Variants in TFPI observed in about 807,000 individuals in gnomAD.
TFPI encodes the protein tissue factor pathway inhibitor, also known as anti-convertin.
Under a neutral mutation model 34.6 loss-of-function variants are expected in TFPI, and 15 were observed. The ratio of observed to expected loss-of-function variants is 0.43; its 90% CI spans 0.29 to 0.67. The LOEUF (loss-of-function observed/expected upper bound fraction) is 0.67. Among genes scored for constraint, TFPI ranks in the 30% least tolerant of loss-of-function variants. TFPI has a pLI of 0.15. For missense variants in TFPI, 301 were observed against 364.0 expected (o/e 0.83, Z 1.41); for synonymous variants, 105 against 120.1 (o/e 0.87, Z 0.82).
At chr2:187,532,188 A>G (rs773018587) in intron 1 of TFPI, among the ~76,000 whole-genome samples, 8 of 152,188 alleles carry the variant, frequency 5.3e-5, no homozygotes, top group Non-Finnish European at 8.8e-5. Flanking sequence ...ATGTGTGATT[A>G]TATTTATATG....
intron 1 of TFPI, among the ~76,000 whole-genome samples, chr2:187,505,267 TGAGAGA>T (rs1415023601): frequency 6.6e-6 from 1 of 152,082 alleles, no homozygotes; most frequent in Non-Finnish European, 1.5e-5. Flanking sequence ...CTGAAGCCCT[TGAGAGA>T]GAGGGCTCTA....
chr2:187,531,183 T>C (rs148663208), intron 1 of TFPI, among the ~76,000 whole-genome samples: 2 of 152,268 alleles, frequency 1.3e-5, no homozygotes, highest in African/African-American at 4.8e-5. Context: ...TAGAAAGGTG[T>C]GTGGTATAGA....
chr2:187,517,704 T>G (rs1687102262), intron 1 of TFPI: 2 of 152,218 alleles, frequency 1.3e-5, no homozygotes, highest in African/African-American at 4.8e-5. Context: ...CTTGTTAATT[T>G]TCTGTCTCAT....
chr2:187,481,643 AAGGG>A (rs927047924), intron 6 of TFPI, among the ~76,000 whole-genome samples: 5 of 141,414 alleles, frequency 3.5e-5, no homozygotes, highest in Non-Finnish European at 7.7e-5. Flanking sequence ...GGAAGGAAGA[AAGGG>A]AGGGAAGGGA....
intron 1 of TFPI, chr2:187,527,018 C>T (rs1687714837): frequency 6.6e-6 from 1 of 152,196 alleles, no homozygotes; most frequent in Non-Finnish European, 1.5e-5. Flanking sequence ...CCACTAAAAC[C>T]TGGCAGCCTG....
At chr2:187,482,051 G>T (rs1398956820) in intron 6 of TFPI, among the ~76,000 whole-genome samples, 1 of 151,634 alleles carries the variant, frequency 6.6e-6, no homozygotes, top group Admixed American at 6.6e-5. Context: ...TTTTTATTTT[G>T]CCCTTTCTAA....
At chr2:187,472,908 A>G (rs767030384) in intron 6 of TFPI, among the ~76,000 whole-genome samples, 1 of 152,054 alleles carries the variant, frequency 6.6e-6, no homozygotes, top group Non-Finnish European at 1.5e-5. Context: ...GCTACTAGGG[A>G]GGCTGAGGCA....
At chr2:187,549,434 T>C (rs10187622) in intron 1 of TFPI, among the ~76,000 whole-genome samples, 125,858 of 152,044 alleles carry the variant, frequency 0.83, 52,223 homozygotes, top group Middle Eastern at 0.94. Flanking sequence ...ACCCTGAGCA[T>C]TCATAGTCTG....
rs147385423 is a variant in TFPI, at chr2:187,511,760, C to T, written c.-2-7990G>A. On this transcript the variant is annotated intron_variant, in intron 1 of 7. Transcript: ENST00000233156. ...TGGTTACAGCTGGTTTTAGATCCGC[C>T]TCACAGTGGTTGAGAGAACAGCAGC... Among the ~76,000 whole-genome samples the T allele has an allele frequency of 3.8e-3, 575 of 152,062 alleles. 1 individual carries two copies. Among genetic ancestry groups the T allele is most frequent in the African/African-American group, 0.013 (546 of 41,456 alleles).
chr2:187,493,788 G>T (rs182611696), intron 3 of TFPI, among the ~76,000 whole-genome samples: 380 of 152,242 alleles, frequency 2.5e-3, no homozygotes, highest in African/African-American at 8.7e-3. Context: ...AGTCAGCTTT[G>T]CTCAACTTCC....
At chr2:187,515,801 G>A (rs1686965012) in intron 1 of TFPI, 1 of 152,136 alleles carries the variant, frequency 6.6e-6, no homozygotes, top group Admixed American at 6.5e-5. Context: ...TTTGTTTAAT[G>A]CTATTCTATA....
intron 5 of TFPI, 182 bp downstream of exon 5, chr2:187,484,629 T>C: frequency 1.9e-6 from 1 of 538,850 alleles, no homozygotes; most frequent in South Asian, 3.2e-5. Flanking sequence ...TCTATGAAAA[T>C]AATTTCTTAA....
intron 1 of TFPI, among the ~76,000 whole-genome samples, chr2:187,529,795 A>C (rs1687866127): frequency 6.6e-6 from 1 of 152,178 alleles, no homozygotes. Flanking sequence ...CCTAGAGTGC[A>C]CTTTCTAATG....
At chr2:187,510,632 C>A (rs931848996) in intron 1 of TFPI, among the ~76,000 whole-genome samples, 2 of 152,202 alleles carry the variant, frequency 1.3e-5, no homozygotes, top group African/African-American at 4.8e-5. Context: ...TAAAGATCGA[C>A]CCCTGACCTA....
Position 187,538,146 on chromosome 2 carries a change from A to G in TFPI, c.-3+16054T>C, listed in dbSNP as rs1046177159. Among the ~76,000 whole-genome samples the G allele has an allele frequency of 2.6e-5, 4 of 152,222 alleles. No homozygotes were observed. The South Asian group carries it at 8.3e-4, about 32-fold the overall frequency. The stretch of plus-strand genomic sequence containing the variant: ...TTTTGCACTGTTGGTGGGAGTGTAA[A>G]TTAATTCAACCACTGTGGAAGACAA... On this transcript the variant is annotated intron_variant, in intron 1 of 7. Transcript: ENST00000233156.
chr2:187,476,275 C>A (rs1242283235), intron 6 of TFPI, among the ~76,000 whole-genome samples: 2 of 152,008 alleles, frequency 1.3e-5, no homozygotes, highest in East Asian at 3.9e-4. Context: ...TAGATATAAT[C>A]AAAAACTGGA....
At chr2:187,526,105 C>G (rs1438020563) in intron 1 of TFPI, among the ~76,000 whole-genome samples, 4 of 151,944 alleles carry the variant, frequency 2.6e-5, no homozygotes, top group Non-Finnish European at 5.9e-5. Context: ...TCCTTGAAAA[C>G]CTCTTGGGTA....
chr2:187,465,245 C>G lies in TFPI; in HGVS notation c.*1691G>C, dbSNP rs1466601698. The G allele has an allele frequency of 1.3e-5, 2 of 151,884 alleles. No individual in the cohort carries two copies. The highest frequency in any genetic ancestry group is 2.9e-5 in the Non-Finnish European group (2 of 68,038). 9.4% of individuals were successfully genotyped at this position (151,884 alleles called of 1,614,324 possible). On this transcript the variant is annotated 3_prime_UTR_variant, in exon 8 of 8. Coordinates refer to ENST00000233156, the MANE Select transcript of TFPI (RefSeq NM_006287.6). ...AAAACGGGGGCATTGTGGTTTATAC[C>G]TGTAATCCCAGCACTTTGGGAGGCT... is the stretch of plus-strand genomic sequence containing the variant.
At chr2:187,512,085 C>T (rs1346134327) in intron 1 of TFPI, among the ~76,000 whole-genome samples, 1 of 151,996 alleles carries the variant, frequency 6.6e-6, no homozygotes, top group Non-Finnish European at 1.5e-5. Flanking sequence ...CAAGGGAATA[C>T]CCCAAAAGCA....
Sources: allele counts gnomAD v4.1 joint callset (sites outside exome capture counted in the v4.1 genomes callset), GRCh38; gene constraint gnomAD v4.1.1; transcripts MANE v1.5; gene names NCBI Gene and HGNC (gene_info 2026-07-23, HGNC 2026-07-21).